Variants in NSF observed in about 807,000 individuals in gnomAD.
NSF encodes the protein N-ethylmaleimide sensitive factor, vesicle fusing ATPase, also known as vesicle-fusing ATPase.
Under a neutral mutation model 50.3 loss-of-function variants are expected in NSF, and 14 were observed. The observed-to-expected ratio is 0.28, with a 90% CI of 0.18 to 0.44. NSF has a LOEUF of 0.44. Among genes scored for constraint, NSF ranks in the 20% least tolerant of loss-of-function variants. The probability of loss-of-function intolerance (pLI) is 1.00; values close to 1 mark genes in which losing one functional copy is unlikely to be tolerated. For synonymous variants in NSF, 109 were observed against 175.7 expected, an observed-to-expected ratio of 0.62 and a Z score of 3.00; for missense variants, 218 against 504.3, an observed-to-expected ratio of 0.43 and a Z score of 5.44.
Position 46,678,327 on chromosome 17 carries a change from CAA to C in NSF, c.945+3716_945+3717del, listed in dbSNP as rs566455319. On this transcript the variant is annotated intron_variant, in intron 9 of 20. Coordinates refer to ENST00000398238, the MANE Select transcript of NSF (RefSeq NM_006178.4). ...CAGAGAACTGGAAACTAAAAATAAA[CAA>C]ATATAAATTCTAGAACTGAGAAAAT... Among the ~76,000 whole-genome samples, 565 of 98,942 alleles carry C rather than the reference CAA, an allele frequency of 5.7e-3. 5 individuals are homozygous for C. The highest frequency in any genetic ancestry group is 0.021 in the African/African-American group (525 of 25,454). The allele number at this position is 98,942 out of a possible 152,430, so 64.9% of individuals were successfully genotyped here.
intron 17 of NSF, 70 bp downstream of exon 17, chr17:46,729,004 A>G (rs867657686): frequency 7.5e-6 from 7 of 931,690 alleles, no homozygotes; most frequent in Non-Finnish European, 1.1e-5. Context: ...TAATGATACA[A>G]TCTTTAAATA....
rs758067477 is a variant in NSF at position 46,755,372 on chromosome 17, A to G, written c.2213+3A>G. ...GCCCTCTTAAGAGAAGAAGGAGCGT[A>G]AGTACATACAACATTTAATGACCAT... On this transcript the variant is annotated splice_donor_region_variant and intron_variant, in intron 20 of 20. Coordinates refer to ENST00000398238, the MANE Select transcript of NSF (RefSeq NM_006178.4). 2 of 1,611,060 alleles carry G rather than the reference A, an allele frequency of 1.2e-6. No individual in the cohort carries two copies. Among genetic ancestry groups the G allele is most frequent in the East Asian group, 2.2e-5 (1 of 44,872 alleles).
rs747961356 is a variant in NSF at position 46,755,370 on chromosome 17, G to A, written c.2213+1G>A. On this transcript the variant is annotated splice_donor_variant, in intron 20 of 20. Transcript: ENST00000398238. LOFTEE classifies it high-confidence loss of function. ...TGGCCCTCTTAAGAGAAGAAGGAGC[G>A]TAAGTACATACAACATTTAATGACC... 9.3e-6 allele frequency: 15 copies of A among 1,611,626 alleles called. No individual in the cohort carries two copies. Among genetic ancestry groups the A allele is most frequent in the East Asian group, 2.2e-5 (1 of 44,872 alleles).
chr17:46,695,201 G>A lies in NSF; in HGVS notation c.1374+539G>A, dbSNP rs2058583814. Among the ~76,000 whole-genome samples, 3 of 129,612 alleles carry A rather than the reference G, an allele frequency of 2.3e-5. No homozygotes were observed. In the South Asian group the frequency reaches 8.2e-4, roughly 36 times the overall value. 85.0% of individuals were successfully genotyped at this position (129,612 alleles called of 152,430 possible). A position where few individuals can be genotyped will look rare whatever the true frequency, so the allele number is the denominator to read the frequency against. ...GCAGAGCTTGAAGTGAGCTGAGATT[G>A]CGCCACTGCACTCCAGCCTGGGTGA... On this transcript the variant is annotated intron_variant, in intron 12 of 20. Coordinates refer to ENST00000398238, the MANE Select transcript of NSF (RefSeq NM_006178.4).
At chr17:46,595,819 TTC>T (rs2057865007) in intron 1 of NSF, among the ~76,000 whole-genome samples, 1 of 140,178 alleles carries the variant, frequency 7.1e-6, no homozygotes, top group African/African-American at 2.9e-5. Flanking sequence ...TTTAACCCAC[TTC>T]TCTTCAGCCT....
At chr17:46,755,077 G>A (rs541682319) in intron 19 of NSF, among the ~76,000 whole-genome samples, 10 of 152,356 alleles carry the variant, frequency 6.6e-5, no homozygotes, top group South Asian at 4.1e-4. Context: ...GATGGCCAGC[G>A]GGCTTGGGTC....
At chr17:46,728,040 G>A (rs1306243031) in intron 16 of NSF, among the ~76,000 whole-genome samples, 1 of 151,908 alleles carries the variant, frequency 6.6e-6, no homozygotes, top group African/African-American at 2.4e-5. Context: ...TTCTCATCAG[G>A]TGGATAGTCT....
chr17:46,754,449 CT>C (rs1052163415), intron 19 of NSF, among the ~76,000 whole-genome samples: 2 of 152,168 alleles, frequency 1.3e-5, no homozygotes, highest in Non-Finnish European at 2.9e-5. Flanking sequence ...GGAGTTCCCT[CT>C]TGGGAAACAG....
intron 1 of NSF, among the ~76,000 whole-genome samples, chr17:46,610,076 CCTT>C (rs2057999989): frequency 8.4e-6 from 1 of 118,828 alleles, no homozygotes; most frequent in East Asian, 2.1e-4. Context: ...TCCTTTCTTT[CCTT>C]CTTTCTTTCT....
chr17:46,697,215 CT>C (rs56144516), intron 12 of NSF, among the ~76,000 whole-genome samples: 9 of 122,114 alleles, frequency 7.4e-5, no homozygotes, highest in African/African-American at 1.4e-4. Flanking sequence ...AATTATTTTT[CT>C]TTTTTTTTTT....
At chr17:46,710,881 T>C in intron 13 of NSF, 82 bp from the exon 14 acceptor site, 1 of 1,217,200 alleles carries the variant, frequency 8.2e-7, no homozygotes, top group Non-Finnish European at 1.1e-6. Flanking sequence ...ACCTTTAGCA[T>C]GTACGGATTA....
At chr17:46,742,771 G>A (rs73321072) in intron 17 of NSF, among the ~76,000 whole-genome samples, 4,016 of 152,262 alleles carry the variant, frequency 0.026, 173 homozygotes, top group African/African-American at 0.09. Context: ...TGGATGATAC[G>A]TGGTTTCTAC....
At chr17:46,731,802 C>A (rs920277302) in intron 17 of NSF, among the ~76,000 whole-genome samples, 4 of 152,146 alleles carry the variant, frequency 2.6e-5, no homozygotes, top group Non-Finnish European at 4.4e-5. Flanking sequence ...CCTGGACTGC[C>A]AGATTACCTG....
At chr17:46,716,549 G>C (rs1016902697) in intron 15 of NSF, among the ~76,000 whole-genome samples, 3 of 152,114 alleles carry the variant, frequency 2.0e-5, no homozygotes, top group African/African-American at 7.2e-5. Flanking sequence ...GAGCCACCGC[G>C]CCCGGCCTGC....
At position 46,752,104 on chromosome 17, in the gene NSF, G is replaced by A. The variant is rs144786610; in HGVS notation, c.2157+488G>A. Among the ~76,000 whole-genome samples, 894 of 152,306 alleles carry A rather than the reference G, an allele frequency of 5.9e-3. 3 individuals are homozygous for A. The highest frequency in any genetic ancestry group is 0.017 in the Middle Eastern group (5 of 294). On this transcript the variant is annotated intron_variant, in intron 19 of 20. Coordinates refer to ENST00000398238, the MANE Select transcript of NSF (RefSeq NM_006178.4). Reference sequence around the variant, plus strand: ...ATTAAGTTGTGCAGTCTAGACTTGGGATCTGTATATTTGTCCCTGGCTGGG... The same window carrying A: ...ATTAAGTTGTGCAGTCTAGACTTGGAATCTGTATATTTGTCCCTGGCTGGG...
intron 15 of NSF, among the ~76,000 whole-genome samples, chr17:46,724,110 AT>A (rs752423716): frequency 3.3e-5 from 5 of 151,976 alleles, no homozygotes; most frequent in Non-Finnish European, 7.4e-5. Flanking sequence ...GTGTCTCCTA[AT>A]TTTCAGTATA....
rs144114752 is a variant in NSF at position 46,724,940 on chromosome 17, C to G, written c.1762-1609C>G. ...GACTTCAATCAGATATCTCCAACTT[C>G]TCACTTAATATTTCTACTTGAATTT... is the stretch of plus-strand genomic sequence containing the variant. On this transcript the variant is annotated intron_variant, in intron 15 of 20. Coordinates refer to ENST00000398238, the MANE Select transcript of NSF (RefSeq NM_006178.4). 1.9e-3 allele frequency among the ~76,000 whole-genome samples: 285 copies of G among 152,230 alleles called. 3 individuals are homozygous for G. The highest frequency in any genetic ancestry group is 0.014 in the Admixed American group (215 of 15,290).
At chr17:46,722,575 G>A (rs775973469) in intron 15 of NSF, among the ~76,000 whole-genome samples, 2 of 152,134 alleles carry the variant, frequency 1.3e-5, no homozygotes, top group Non-Finnish European at 2.9e-5. Flanking sequence ...CTAACCTCAC[G>A]TACTTGCCAG....
At chr17:46,730,673 T>A (rs748473869) in intron 17 of NSF, among the ~76,000 whole-genome samples, 9 of 152,230 alleles carry the variant, frequency 5.9e-5, no homozygotes, top group South Asian at 4.1e-4. Flanking sequence ...CAAAAAAAAA[T>A]TTTTCAGTGT....
Sources: allele counts gnomAD v4.1 joint callset (sites outside exome capture counted in the v4.1 genomes callset), GRCh38; gene constraint gnomAD v4.1.1; transcripts MANE v1.5; gene names NCBI Gene and HGNC (gene_info 2026-07-23, HGNC 2026-07-21).